NLE1: variants seen among roughly 807,000 people sequenced by gnomAD.
NLE1 encodes the protein notchless protein homolog 1.
NLE1 carries 37 observed loss-of-function variants against 62.8 expected under a neutral mutation model. That is an observed-to-expected ratio of 0.59 (90% confidence interval 0.45 to 0.78). The LOEUF is 0.78. Among genes scored for constraint, NLE1 ranks in the 30% least tolerant of loss-of-function variants. NLE1 has a pLI of 0.00. For missense variants in NLE1, 555 were observed against 637.9 expected, an observed-to-expected ratio of 0.87 and a Z score of 1.40; for synonymous variants, 243 against 253.0, an observed-to-expected ratio of 0.96 and a Z score of 0.37.
Position 35,132,148 on chromosome 17 carries a change from GCTGCCCACCACCCCTGT to G in NLE1, c.*272_*288del. 3.3e-6 allele frequency: 1 copy of G among 303,482 alleles called. No homozygotes were observed. Among genetic ancestry groups the G allele is most frequent in the Non-Finnish European group, 6.0e-6 (1 of 165,814 alleles). 18.8% of individuals were successfully genotyped at this position (303,482 alleles called of 1,614,324 possible). A position where few individuals can be genotyped will look rare whatever the true frequency, so the allele number is the denominator to read the frequency against. On this transcript the variant is annotated 3_prime_UTR_variant, in exon 13 of 13. Transcript: ENST00000442241. The stretch of plus-strand genomic sequence containing the variant: ...ACTAGGGGCCCACTCATAGAGCCTG[GCTGCCCACCACCCCTGT>G]CTGTACCAGCAAGGTACAGAGTAGC...
intron 3 of NLE1, among the ~76,000 whole-genome samples, 188 bp downstream of exon 3, chr17:35,139,661 G>T (rs920765797): frequency 1.8e-4 from 28 of 152,168 alleles, no homozygotes; most frequent in African/African-American, 6.8e-4. Flanking sequence ...CAAGGCAGGG[G>T]TCCTTAAGCA....
At chr17:35,134,844 G>A in intron 10 of NLE1, 1 of 354,716 alleles carries the variant, frequency 2.8e-6, no homozygotes, top group Non-Finnish European at 5.6e-6. Context: ...TTGAGCTCAG[G>A]AGTTCAAGAC....
At chr17:35,137,269 C>A in intron 6 of NLE1, 76 bp from the exon 7 acceptor site, 1 of 1,351,166 alleles carries the variant, frequency 7.4e-7, no homozygotes, top group African/African-American at 1.4e-5. Context: ...CCATTCCCAA[C>A]TTAAAGGCCA....
intron 10 of NLE1, among the ~76,000 whole-genome samples, chr17:35,134,557 G>T (rs1215483426): frequency 6.6e-6 from 1 of 152,076 alleles, no homozygotes; most frequent in Non-Finnish European, 1.5e-5. Flanking sequence ...GTGCCACTAT[G>T]CCTGGCTAAT....
intron 12 of NLE1, 44 bp downstream of exon 12, chr17:35,133,127 G>GT: frequency 6.4e-7 from 1 of 1,562,496 alleles, no homozygotes; most frequent in Non-Finnish European, 8.8e-7. Flanking sequence ...GACCTTAGGG[G>GT]TAGGAGGGCT....
rs1346978810 is a variant in NLE1 at position 35,131,550 on chromosome 17, C to G, written c.*887G>C. The G allele has an allele frequency of 6.6e-6, 1 of 152,224 alleles. No homozygotes were observed. Among genetic ancestry groups the G allele is most frequent in the African/African-American group, 2.4e-5 (1 of 41,454 alleles). 9.4% of individuals were successfully genotyped at this position (152,224 alleles called of 1,614,324 possible). A position where few individuals can be genotyped will look rare whatever the true frequency, so the allele number is the denominator to read the frequency against. ...TGGCAAAGAACTTCCTCTGTATCAACAATACCCACTTCTGCTCAGAGCTCA... is the reference window on the plus strand; with the variant it reads ...TGGCAAAGAACTTCCTCTGTATCAAGAATACCCACTTCTGCTCAGAGCTCA... On this transcript the variant is annotated 3_prime_UTR_variant, in exon 13 of 13. Coordinates refer to ENST00000442241, the MANE Select transcript of NLE1 (RefSeq NM_018096.5).
rs754085350 is a variant in NLE1 at position 35,136,986 on chromosome 17, C to A, written c.828+15G>T. The A allele has an allele frequency of 3.8e-6, 6 of 1,568,746 alleles. No homozygotes were observed. Among genetic ancestry groups the A allele is most frequent in the South Asian group, 1.1e-5 (1 of 87,550 alleles). On this transcript the variant is annotated intron_variant, in intron 7 of 12. Coordinates refer to ENST00000442241, the MANE Select transcript of NLE1 (RefSeq NM_018096.5). ...CGATTTTCTGGACTGGTTTCTGAAC[C>A]CTCCCAGCACTTACGTCATGAGCTC...
rs368988690 is a variant in NLE1 at position 35,137,057 on chromosome 17, C to T, written c.772G>A (p.Gly258Arg). Residue 258 changes from glycine (G) to arginine (R), a missense_variant, in exon 7 of 13, where the codon GGG (glycine) becomes AGG (arginine). Gly to Arg is a moderately radical substitution (Grantham distance 125, BLOSUM62 -2). Transcript: ENST00000442241. ...SVTCLRWGGD[G>R]LLYSASQDRT... ...TCCTGGGAGGCAGAGTAGAGAAGCCCGTCCCCTCCCCACCGGAGACAGGTG... is the reference window on the plus strand; with the variant it reads ...TCCTGGGAGGCAGAGTAGAGAAGCCTGTCCCCTCCCCACCGGAGACAGGTG... 27 of 1,613,918 alleles carry T rather than the reference C, an allele frequency of 1.7e-5. No homozygotes were observed. In the East Asian group the frequency reaches 2.0e-4, roughly 12 times the overall value.
At position 35,129,270 on chromosome 17, in the gene NLE1, T is replaced by G. The variant is rs1278056903; in HGVS notation, c.*3167A>C. ...TTCGGGGCAGGGGTTCCACACTCAG[T>G]GCTGCAGTACCTTGCACCTTCCATC... On this transcript the variant is annotated 3_prime_UTR_variant, in exon 13 of 13. Coordinates refer to ENST00000442241, the MANE Select transcript of NLE1 (RefSeq NM_018096.5). 3.2e-6 allele frequency: 3 copies of G among 949,166 alleles called. No homozygotes were observed. In the Admixed American group the frequency reaches 6.8e-5, roughly 21 times the overall value. The allele number at this position is 949,166 out of a possible 1,614,324, so 58.8% of individuals were successfully genotyped here. A position where few individuals can be genotyped will look rare whatever the true frequency, so the allele number is the denominator to read the frequency against.
In NLE1 at chr17:35,129,527, C is replaced by A. The variant is rs767891515; in HGVS notation, c.*2910G>T. 8.1e-6 allele frequency: 13 copies of A among 1,614,060 alleles called. No individual in the cohort carries two copies. The South Asian group carries it at 1.1e-4, about 14-fold the overall frequency. ...GAATGAGTTGCCCGAGGCAAAGAAT[C>A]GTCCATGGATCTTCAACAAGATTTT... On this transcript the variant is annotated 3_prime_UTR_variant, in exon 13 of 13. Coordinates refer to ENST00000442241, the MANE Select transcript of NLE1 (RefSeq NM_018096.5).
intron 9 of NLE1, 109 bp downstream of exon 9, chr17:35,136,060 T>C (rs924530920): frequency 3.9e-6 from 4 of 1,027,348 alleles, no homozygotes; most frequent in East Asian, 2.4e-5. Flanking sequence ...CTTTTTGGAA[T>C]AGGTACATTC....
At chr17:35,132,497 G>A in intron 12 of NLE1, 48 bp from the exon 13 acceptor site, 1 of 1,328,872 alleles carries the variant, frequency 7.5e-7, no homozygotes, top group African/African-American at 1.5e-5. Context: ...CCTTAGGAAA[G>A]GGAGGCCGTC....
rs111531476 is a variant in NLE1 at position 35,131,449 on chromosome 17, G to C, written c.*988C>G. 0.026 allele frequency: 3,980 copies of C among 152,336 alleles called. 83 individuals carry two copies. The highest frequency in any genetic ancestry group is 0.039 in the Non-Finnish European group (2,660 of 68,044). 9.4% of individuals were successfully genotyped at this position (152,336 alleles called of 1,614,324 possible). A position where few individuals can be genotyped will look rare whatever the true frequency, so the allele number is the denominator to read the frequency against. ...TGGGATGCAGGAGAAAGCAGAGGCA[G>C]GGTACATTCAGGGCAAGATCTCGGC... On this transcript the variant is annotated 3_prime_UTR_variant, in exon 13 of 13. Coordinates refer to ENST00000442241, the MANE Select transcript of NLE1 (RefSeq NM_018096.5).
intron 3 of NLE1, 27 bp from the exon 4 acceptor site, chr17:35,139,341 A>C: frequency 6.3e-7 from 1 of 1,578,992 alleles, no homozygotes; most frequent in African/African-American, 1.3e-5. Flanking sequence ...GATGCTTGAC[A>C]CTGCACATGT....
intron 12 of NLE1, 116 bp from the exon 13 acceptor site, chr17:35,132,565 A>C: frequency 1.1e-6 from 1 of 941,072 alleles, no homozygotes; most frequent in Non-Finnish European, 1.4e-6. Context: ...AGTCACCAAG[A>C]GCCAGGTGAC....
rs757145314 is a variant in NLE1, at chr17:35,129,499, G to A, written c.*2938C>T. ...TGTTACAGGAGGTGGCCAAGACACA[G>A]GAGAATGAGTTGCCCGAGGCAAAGA... is the stretch of plus-strand genomic sequence containing the variant. On this transcript the variant is annotated 3_prime_UTR_variant, in exon 13 of 13. Coordinates refer to ENST00000442241, the MANE Select transcript of NLE1 (RefSeq NM_018096.5). The A allele has an allele frequency of 1.2e-6, 2 of 1,614,234 alleles. No homozygotes were observed. Among genetic ancestry groups the A allele is most frequent in the East Asian group, 2.2e-5 (1 of 44,884 alleles).
intron 10 of NLE1, among the ~76,000 whole-genome samples, chr17:35,134,488 C>T (rs937399410): frequency 6.6e-6 from 1 of 152,098 alleles, no homozygotes; most frequent in East Asian, 1.9e-4. Flanking sequence ...CAACCTTTGC[C>T]TCCCAAGTTC....
chr17:35,129,430 G>T lies in NLE1; in HGVS notation c.*3007C>A, dbSNP rs776749479. ...GCTCTCTCTTCCCCTAGATTTCCTGGACCTACGCCTTGGGCAAGCAGCCGG... is the reference window on the plus strand; with the variant it reads ...GCTCTCTCTTCCCCTAGATTTCCTGTACCTACGCCTTGGGCAAGCAGCCGG... On this transcript the variant is annotated 3_prime_UTR_variant, in exon 13 of 13. Transcript: ENST00000442241. 2 of 1,613,652 alleles carry T rather than the reference G, an allele frequency of 1.2e-6. No individual in the cohort carries two copies. The highest frequency in any genetic ancestry group is 4.5e-5 in the East Asian group (2 of 44,870).
intron 10 of NLE1, 26 bp downstream of exon 10, chr17:35,135,223 G>T: frequency 6.2e-7 from 1 of 1,607,324 alleles, no homozygotes; most frequent in South Asian, 1.1e-5. Context: ...ACTCCTTACA[G>T]AGAAGCAGTA....
Sources: gnomAD v4.1 joint callset for allele counts (sites outside exome capture counted in the v4.1 genomes callset) on GRCh38, gnomAD v4.1.1 for gene constraint, MANE v1.5 for transcripts, NCBI Gene and HGNC (gene_info 2026-07-23, HGNC 2026-07-21) for gene names.